Variants in MTPN observed in about 807,000 individuals in gnomAD.
The protein encoded by MTPN is myotrophin, also known as granule cell differentiation protein.
MTPN carries 2 observed loss-of-function variants against 13.5 expected under a neutral mutation model. That is an observed-to-expected ratio of 0.15 (90% confidence interval 0.06 to 0.47). The LOEUF is 0.47. Among genes scored for constraint, MTPN ranks in the 20% least tolerant of loss-of-function variants. The pLI is 0.97. For missense variants in MTPN, 79 were observed against 137.9 expected, an observed-to-expected ratio of 0.57 and a Z score of 2.14; for synonymous variants, 46 against 51.7, an observed-to-expected ratio of 0.89 and a Z score of 0.48.
intron 3 of MTPN, among the ~76,000 whole-genome samples, chr7:135,935,222 T>C (rs534948676): frequency 1.3e-5 from 2 of 151,944 alleles, no homozygotes; most frequent in South Asian, 4.2e-4. Context: ...GGTATAAACA[T>C]TTGGATGCAA....
In MTPN at chr7:135,929,052, C is replaced by G. The variant is rs1798972478; in HGVS notation, c.*874G>C. On this transcript the variant is annotated 3_prime_UTR_variant, in exon 4 of 4. Transcript: ENST00000393085. ...AGCAAATAAAGAAAATCCATAGGTA[C>G]TAAGATAACTGTTCTCTCTTCATAT... The G allele has an allele frequency of 6.0e-6, 1 of 167,026 alleles. No homozygotes were observed. The highest frequency in any genetic ancestry group is 2.4e-5 in the African/African-American group (1 of 41,442). The allele number at this position is 167,026 out of a possible 1,614,324, so 10.3% of individuals were successfully genotyped here. A position where few individuals can be genotyped will look rare whatever the true frequency, so the allele number is the denominator to read the frequency against.
intron 1 of MTPN, among the ~76,000 whole-genome samples, chr7:135,973,257 ATTTTCT>A (rs1584823253): frequency 6.8e-6 from 1 of 146,028 alleles, no homozygotes; most frequent in African/African-American, 2.5e-5. Context: ...TTTCTTGACT[ATTTTCT>A]TATAGTCAAG....
Position 135,927,405 on chromosome 7 carries a change from T to C in MTPN, c.*2521A>G. On this transcript the variant is annotated 3_prime_UTR_variant, in exon 4 of 4. Coordinates refer to ENST00000393085, the MANE Select transcript of MTPN (RefSeq NM_145808.4). ...AGTACACTACTATAAACAGGTAAAC[T>C]ACCTGTTTGTACTTGATATAGTGCA... 1.9e-6 allele frequency: 3 copies of C among 1,549,078 alleles called. No homozygotes were observed. The highest frequency in any genetic ancestry group is 2.6e-6 in the Non-Finnish European group (3 of 1,145,560).
intron 3 of MTPN, among the ~76,000 whole-genome samples, chr7:135,942,589 A>G (rs76337210): frequency 0.019 from 2,961 of 152,328 alleles, 98 homozygotes; most frequent in East Asian, 0.18. Context: ...AATGGATTAA[A>G]AAAATATTTT....
chr7:135,938,287 C>A (rs896329456), intron 3 of MTPN, among the ~76,000 whole-genome samples: 2 of 152,202 alleles, frequency 1.3e-5, no homozygotes, highest in African/African-American at 4.8e-5. Flanking sequence ...TAAACACACA[C>A]ACATACCCTT....
At chr7:135,948,623 C>G (rs934911706) in intron 3 of MTPN, among the ~76,000 whole-genome samples, 2 of 152,124 alleles carry the variant, frequency 1.3e-5, no homozygotes, top group African/African-American at 4.8e-5. Flanking sequence ...TCTTTAACAA[C>G]GGAAACTTAC....
chr7:135,932,938 A>T (rs1245882214), intron 3 of MTPN: 4 of 151,972 alleles, frequency 2.6e-5, no homozygotes, highest in African/African-American at 4.8e-5. Context: ...AAAAACATAA[A>T]AATTAGCCTC....
At position 135,926,783 on chromosome 7, in the gene MTPN, CA is replaced by C. The variant is rs1429027590; in HGVS notation, c.*3142del. 6.6e-6 allele frequency: 1 copy of C among 152,554 alleles called. No individual in the cohort carries two copies. Among genetic ancestry groups the C allele is most frequent in the Non-Finnish European group, 1.5e-5 (1 of 68,052 alleles). The allele number at this position is 152,554 out of a possible 1,614,324, so 9.5% of individuals were successfully genotyped here. The stretch of plus-strand genomic sequence containing the variant: ...GCTGTAGCACAATTCAAGTTTATTC[CA>C]TTTGTTCTTGCAACACAAAACTTAA... On this transcript the variant is annotated 3_prime_UTR_variant, in exon 4 of 4. Transcript: ENST00000393085.
chr7:135,960,748 G>T (rs1799508687), intron 1 of MTPN: 1 of 151,694 alleles, frequency 6.6e-6, no homozygotes, highest in South Asian at 2.1e-4. Context: ...ATGATATACA[G>T]AAGATTAGTA....
rs1176632470 is a variant in MTPN at position 135,927,237 on chromosome 7, CACCT to C, written c.*2685_*2688del. ...ACTTGTTTGCAGCTTCCACACACTG[CACCT>C]ACCTACTACCTCTCTTCCATGCTTA... On this transcript the variant is annotated 3_prime_UTR_variant, in exon 4 of 4. Coordinates refer to ENST00000393085, the MANE Select transcript of MTPN (RefSeq NM_145808.4). The C allele has an allele frequency of 6.9e-7, 1 of 1,454,286 alleles. No homozygotes were observed. The highest frequency in any genetic ancestry group is 2.5e-5 in the East Asian group (1 of 39,448). The allele number at this position is 1,454,286 out of a possible 1,614,324, so 90.1% of individuals were successfully genotyped here.
chr7:135,972,211 G>GCGCACA (rs1249515855), intron 1 of MTPN, among the ~76,000 whole-genome samples: 1 of 86,576 alleles, frequency 1.2e-5, no homozygotes, highest in African/African-American at 4.3e-5. Context: ...AAATACACAC[G>GCGCACA]CGCACACGCG....
chr7:135,975,382 G>A (rs564113290), intron 1 of MTPN, among the ~76,000 whole-genome samples: 1 of 152,244 alleles, frequency 6.6e-6, no homozygotes, highest in Admixed American at 6.5e-5. Flanking sequence ...TTCAGTTTTG[G>A]AGTCAGCAAT....
chr7:135,945,950 T>C (rs974761621), intron 3 of MTPN, among the ~76,000 whole-genome samples: 3 of 152,158 alleles, frequency 2.0e-5, no homozygotes, highest in African/African-American at 7.2e-5. Context: ...ATTTATAAAT[T>C]AGGCACAGGA....
rs143439826 is a variant in MTPN at position 135,940,677 on chromosome 7, C to T, written c.270+9922G>A. Among the ~76,000 whole-genome samples, 145 of 152,272 alleles carry T rather than the reference C, an allele frequency of 9.5e-4. 1 individual carries two copies. The highest frequency in any genetic ancestry group is 2.9e-3 in the African/African-American group (122 of 41,558). On this transcript the variant is annotated intron_variant, in intron 3 of 3. Transcript: ENST00000393085. ...ACTCCAAATTTTGTATTCTATACCA[C>T]ATTTAGTTGAAAATTACCCATGGCC... is the stretch of plus-strand genomic sequence containing the variant.
At chr7:135,941,742 AATC>A (rs1014823447) in intron 3 of MTPN, among the ~76,000 whole-genome samples, 71 of 152,302 alleles carry the variant, frequency 4.7e-4, no homozygotes, top group African/African-American at 1.6e-3. Context: ...TCACTATAGC[AATC>A]ATATTTAACA....
At chr7:135,975,424 T>C (rs1799759789) in intron 1 of MTPN, among the ~76,000 whole-genome samples, 1 of 152,210 alleles carries the variant, frequency 6.6e-6, no homozygotes, top group African/African-American at 2.4e-5. Context: ...ACCATCTCCA[T>C]AACTTTTCTT....
chr7:135,944,930 A>C (rs1799268946), intron 3 of MTPN, among the ~76,000 whole-genome samples: 1 of 152,198 alleles, frequency 6.6e-6, no homozygotes, highest in African/African-American at 2.4e-5. Context: ...AACATCATAG[A>C]GTGTCCTTAC....
chr7:135,940,324 T>C (rs1160341586), intron 3 of MTPN, among the ~76,000 whole-genome samples: 1 of 152,220 alleles, frequency 6.6e-6, no homozygotes, highest in African/African-American at 2.4e-5. Context: ...CTTTGCAATT[T>C]TATCTACTGG....
At chr7:135,930,958 T>C (rs754819788) in intron 3 of MTPN, among the ~76,000 whole-genome samples, 3 of 152,040 alleles carry the variant, frequency 2.0e-5, no homozygotes, top group South Asian at 2.1e-4. Context: ...ACCTACAGAA[T>C]TGTTTAAACT....
Sources: allele counts gnomAD v4.1 joint callset (sites outside exome capture counted in the v4.1 genomes callset), GRCh38; gene constraint gnomAD v4.1.1; transcripts MANE v1.5; gene names NCBI Gene and HGNC (gene_info 2026-07-23, HGNC 2026-07-21).